Variants in KERA observed in about 807,000 individuals in gnomAD.
KERA encodes the protein keratan sulfate proteoglycan keratocan.
KERA carries 25 observed loss-of-function variants against 26.4 expected under a neutral mutation model. The ratio of observed to expected loss-of-function variants is 0.95; its 90% CI spans 0.69 to 1.32. KERA has a LOEUF of 1.32. Among genes scored for constraint, KERA ranks in the 40% most tolerant of loss-of-function variants. The pLI is 0.00. For missense variants in KERA, 434 were observed against 408.9 expected, an observed-to-expected ratio of 1.06 and a Z score of -0.53; for synonymous variants, 167 against 146.1, an observed-to-expected ratio of 1.14 and a Z score of -1.03.
At chr12:91,056,976 T>TCCC (rs200708684) in intron 1 of KERA, among the ~76,000 whole-genome samples, 5 of 146,980 alleles carry the variant, frequency 3.4e-5, no homozygotes, top group African/African-American at 1.3e-4. Context: ...TCTCTCTCCC[T>TCCC]TTCTCTCTCT....
intron 2 of KERA, among the ~76,000 whole-genome samples, chr12:91,055,062 G>A (rs1878956512): frequency 6.6e-6 from 1 of 151,144 alleles, no homozygotes; most frequent in African/African-American, 2.4e-5. Flanking sequence ...TGCCTGGTAT[G>A]GTTTCTTAAA....
At position 91,055,866 on chromosome 12, in the gene KERA, G is replaced by A. The variant is rs778298629; in HGVS notation, c.416C>T (p.Pro139Leu). 6.8e-6 allele frequency: 11 copies of A among 1,611,150 alleles called. No homozygotes were observed. The highest frequency in any genetic ancestry group is 3.3e-4 in the Middle Eastern group (2 of 6,070). ...TAATTGTTCTAAACTTCTTGGCAAT[G>A]GAGAAGGTACCTCCTCTAGCTCATT... ...EDNELEEVPSPLPRSLEQLQL... is the reference protein window; with the variant it reads ...EDNELEEVPSLLPRSLEQLQL... The change falls in exon 2 of 3, where the codon CCA (proline) becomes CTA (leucine). Residue 139 changes from proline (P) to leucine (L), a missense_variant. By Grantham distance (98) the Pro-to-Leu change is moderately conservative (BLOSUM62 -3). Coordinates refer to ENST00000266719, the MANE Select transcript of KERA (RefSeq NM_007035.4).
chr12:91,052,686 G>A (rs1165011441), intron 2 of KERA, among the ~76,000 whole-genome samples: 1 of 151,376 alleles, frequency 6.6e-6, no homozygotes, highest in African/African-American at 2.4e-5. Context: ...GGCATTTTGT[G>A]GGAATTCTGG....
intron 1 of KERA, among the ~76,000 whole-genome samples, chr12:91,057,374 TTA>T (rs10543721): frequency 0.62 from 90,426 of 145,586 alleles, 30,630 homozygotes; most frequent in East Asian, 0.78. Context: ...ACATATATAT[TTA>T]TATATATATA....
At chr12:91,053,205 A>C (rs924963336) in intron 2 of KERA, among the ~76,000 whole-genome samples, 1 of 151,362 alleles carries the variant, frequency 6.6e-6, no homozygotes, top group Non-Finnish European at 1.5e-5. Flanking sequence ...TCTCCAGGGA[A>C]ACTCTTATAT....
At position 91,055,675 on chromosome 12, in the gene KERA, C is replaced by T. The variant is rs1401428041; in HGVS notation, c.607G>A (p.Ala203Thr). 4 of 1,611,318 alleles carry T rather than the reference C, an allele frequency of 2.5e-6. No individual in the cohort carries two copies. The highest frequency in any genetic ancestry group is 1.7e-5 in the Admixed American group (1 of 59,746). ...NLMQLNMAKN[A>T]LRNMPPRLPA... ...AATCTTGGAGGCATATTCCTCAGGGCATTCTTGGCCATGTTTAGCTGCATG... is the reference window on the plus strand; with the variant it reads ...AATCTTGGAGGCATATTCCTCAGGGTATTCTTGGCCATGTTTAGCTGCATG... Residue 203 changes from alanine to threonine, a missense_variant, in exon 2 of 3, where the codon GCC (alanine) becomes ACC (threonine). Coordinates refer to ENST00000266719, the MANE Select transcript of KERA (RefSeq NM_007035.4).
chr12:91,052,654 A>G (rs1235172473), intron 2 of KERA, among the ~76,000 whole-genome samples: 3 of 151,570 alleles, frequency 2.0e-5, no homozygotes, highest in Non-Finnish European at 4.4e-5. Flanking sequence ...TTATCAGCCA[A>G]TATTATTATT....
At position 91,055,405 on chromosome 12, in the gene KERA, T is replaced by G; in HGVS notation, c.877A>C (p.Lys293Gln). The change falls in exon 2 of 3, where the codon AAA becomes CAA. Residue 293 changes from lysine (K) to glutamine (Q), a missense_variant. By Grantham distance (53) the Lys-to-Gln change is moderately conservative (BLOSUM62 1). Coordinates refer to ENST00000266719, the MANE Select transcript of KERA (RefSeq NM_007035.4). ...HLQHLHLDHN[K>Q]IKSVNVSVIC... Reference sequence around the variant, plus strand: ...TCTGCAGGTTACTTACTTTTAATTTTGTTATGATCAAGGTGAAGGTGCTGC... The same window carrying G: ...TCTGCAGGTTACTTACTTTTAATTTGGTTATGATCAAGGTGAAGGTGCTGC... The G allele has an allele frequency of 6.2e-7, 1 of 1,609,962 alleles. No homozygotes were observed. The highest frequency in any genetic ancestry group is 1.7e-4 in the Middle Eastern group (1 of 6,032).
At position 91,053,754 on chromosome 12, in the gene KERA, C is replaced by T. The variant is rs780025310; in HGVS notation, c.886+1642G>A. 5.8e-4 allele frequency among the ~76,000 whole-genome samples: 88 copies of T among 151,380 alleles called. 1 individual carries two copies. The highest frequency in any genetic ancestry group is 3.4e-3 in the Middle Eastern group (1 of 294). Reference sequence around the variant, plus strand: ...GGGTCTATACTACACACATAATACTCCATAAGCTAAAGTCTTATACTTCTC... The same window carrying T: ...GGGTCTATACTACACACATAATACTTCATAAGCTAAAGTCTTATACTTCTC... On this transcript the variant is annotated intron_variant, in intron 2 of 2. Coordinates refer to ENST00000266719, the MANE Select transcript of KERA (RefSeq NM_007035.4).
At chr12:91,053,747 T>C (rs1432307919) in intron 2 of KERA, among the ~76,000 whole-genome samples, 1 of 151,312 alleles carries the variant, frequency 6.6e-6, no homozygotes, top group African/African-American at 2.4e-5. Context: ...ACTACACACA[T>C]AATACTCCAT....
intron 2 of KERA, among the ~76,000 whole-genome samples, chr12:91,055,020 A>C (rs942727103): frequency 6.6e-6 from 1 of 151,080 alleles, no homozygotes; most frequent in African/African-American, 2.4e-5. Context: ...CTTAAATCAT[A>C]TTTTCTTTAT....
rs142473139 is a variant in KERA, at chr12:91,055,775, G to A, written c.507C>T (p.Thr169=). 65 of 1,611,280 alleles carry A rather than the reference G, an allele frequency of 4.0e-5. No homozygotes were observed. The highest frequency in any genetic ancestry group is 1.4e-5 in the Non-Finnish European group (16 of 1,178,230). Residue 169 remains threonine (T), a synonymous_variant, in exon 2 of 3, where the codon ACC becomes ACT. Transcript: ENST00000266719. ...ATTTGTTGTTCTGTAGGTCAAGAAG[G>A]GTCAGGTTCTCCAGATTGCTAAAGG... ...QGTFSNLENL[T]LLDLQNNKLV...
In KERA at chr12:91,056,261, G is replaced by GA; in HGVS notation, c.20dup (p.Ile8HisfsTer14). On this transcript the variant is annotated frameshift_variant, in exon 2 of 3. Transcript: ENST00000266719. LOFTEE classifies it high-confidence loss of function. ...CTGTTATGAATAACACCCACATGAT[G>GA]AAACAGATTGTGCCTGCCATTATAG... The GA allele has an allele frequency of 6.2e-7, 1 of 1,609,280 alleles. No homozygotes were observed. The highest frequency in any genetic ancestry group is 8.5e-7 in the Non-Finnish European group (1 of 1,177,278).
chr12:91,051,613 C>CT (rs1878870378), intron 2 of KERA, 95 bp from the exon 3 acceptor site: 1 of 842,672 alleles, frequency 1.2e-6, no homozygotes, highest in East Asian at 2.5e-5. Context: ...CTATGGAGGG[C>CT]TTAGTGGCCT....
In KERA at chr12:91,056,202, T is replaced by G. The variant is rs1302181061; in HGVS notation, c.80A>C (p.Tyr27Ser). ...CCAATCATCTGAATCATGTACTTCA[T>G]AGACCTGCCTCACACTTCTAGACCA... is the stretch of plus-strand genomic sequence containing the variant. ...TVWSRSVRQVYEVHDSDDWTI... is the reference protein window; with the variant it reads ...TVWSRSVRQVSEVHDSDDWTI... The change falls in exon 2 of 3, where the codon TAT becomes TCT. Residue 27 changes from tyrosine (Y) to serine (S), a missense_variant. Coordinates refer to ENST00000266719, the MANE Select transcript of KERA (RefSeq NM_007035.4). 6.2e-7 allele frequency: 1 copy of G among 1,609,728 alleles called. No individual in the cohort carries two copies. The highest frequency in any genetic ancestry group is 1.3e-5 in the African/African-American group (1 of 74,700).
In KERA at chr12:91,051,197, T is replaced by A; in HGVS notation, c.*149A>T. Reference sequence around the variant, plus strand: ...GTGATGCATGTAACTGGCAAAAGCATCTTTGAATAGAAAAAATACACTGCA... The same window carrying A: ...GTGATGCATGTAACTGGCAAAAGCAACTTTGAATAGAAAAAATACACTGCA... On this transcript the variant is annotated 3_prime_UTR_variant, in exon 3 of 3. Transcript: ENST00000266719. 1.5e-6 allele frequency: 1 copy of A among 683,028 alleles called. No individual in the cohort carries two copies. The highest frequency in any genetic ancestry group is 2.6e-6 in the Non-Finnish European group (1 of 386,230). 42.3% of individuals were successfully genotyped at this position (683,028 alleles called of 1,614,324 possible). A position where few individuals can be genotyped will look rare whatever the true frequency, so the allele number is the denominator to read the frequency against.
In KERA at chr12:91,051,221, C is replaced by A; in HGVS notation, c.*125G>T. ...ATCTTTGAATAGAAAAAATACACTGCACAAATGAAAATGGTGGCCGAGAGC... is the reference window on the plus strand; with the variant it reads ...ATCTTTGAATAGAAAAAATACACTGAACAAATGAAAATGGTGGCCGAGAGC... On this transcript the variant is annotated 3_prime_UTR_variant, in exon 3 of 3. Coordinates refer to ENST00000266719, the MANE Select transcript of KERA (RefSeq NM_007035.4). 1.3e-6 allele frequency: 1 copy of A among 789,590 alleles called. No individual in the cohort carries two copies. The highest frequency in any genetic ancestry group is 2.2e-6 in the Non-Finnish European group (1 of 464,942). 48.9% of individuals were successfully genotyped at this position (789,590 alleles called of 1,614,324 possible).
rs376135902 is a variant in KERA at position 91,056,060 on chromosome 12, C to G, written c.222G>C (p.Trp74Cys). The G allele has an allele frequency of 6.2e-7, 1 of 1,608,146 alleles. No homozygotes were observed. The highest frequency in any genetic ancestry group is 1.1e-5 in the South Asian group (1 of 90,378). Residue 74 changes from tryptophan (W) to cysteine (C), a missense_variant, in exon 2 of 3, where the codon TGG becomes TGC. Coordinates refer to ENST00000266719, the MANE Select transcript of KERA (RefSeq NM_007035.4). The part of the protein sequence containing the change: ...KEIPAIPSRI[W>C]YLYLQNNLIE... ...TCAGGTTGTTTTGAAGATAAAGATA[C>G]CAAATTCTTGAAGGAATAGCAGGAA...
intron 2 of KERA, 133 bp from the exon 3 acceptor site, chr12:91,051,651 A>G: frequency 2.9e-6 from 2 of 693,716 alleles, no homozygotes. Flanking sequence ...GTTATACAAA[A>G]CATTTGTGTC....
Sources: gnomAD v4.1 joint callset for allele counts (sites outside exome capture counted in the v4.1 genomes callset) on GRCh38, gnomAD v4.1.1 for gene constraint, MANE v1.5 for transcripts, NCBI Gene and HGNC (gene_info 2026-07-23, HGNC 2026-07-21) for gene names.